Variants in IL7 observed in about 807,000 individuals in gnomAD.
IL7 encodes the protein interleukin 7, also known as interleukin-7.
In IL7, 3 loss-of-function variants were observed where a neutral mutation model predicts 21.6. The ratio of observed to expected loss-of-function variants is 0.14; its 90% CI spans 0.06 to 0.36. IL7 has a LOEUF of 0.36. Ranked by LOEUF, IL7 falls within the 10% of genes least tolerant of loss-of-function variation. IL7 has a pLI of 1.00. For missense variants in IL7, 175 were observed against 200.2 expected (o/e 0.87, Z 0.76); for synonymous variants, 62 against 68.1 (o/e 0.91, Z 0.44).
At chr8:78,741,080 A>G (rs1002749536) in intron 2 of IL7, among the ~76,000 whole-genome samples, 6 of 152,180 alleles carry the variant, frequency 3.9e-5, no homozygotes, top group African/African-American at 9.7e-5. Flanking sequence ...GAGAAACAGG[A>G]TAAGAAGTGG....
chr8:78,764,007 T>G (rs1253251697), intron 2 of IL7, among the ~76,000 whole-genome samples: 1 of 152,146 alleles, frequency 6.6e-6, no homozygotes, highest in Non-Finnish European at 1.5e-5. Context: ...CACAATTGAG[T>G]GGATTTAATT....
At chr8:78,724,563 C>T (rs1811307996) in intron 3 of IL7, among the ~76,000 whole-genome samples, 2 of 151,860 alleles carry the variant, frequency 1.3e-5, no homozygotes, top group Non-Finnish European at 2.9e-5. Context: ...CAAGAAACAT[C>T]AGGAACTTAA....
chr8:78,757,486 C>T (rs1812387420), intron 2 of IL7, among the ~76,000 whole-genome samples: 2 of 151,952 alleles, frequency 1.3e-5, no homozygotes, highest in Non-Finnish European at 2.9e-5. Context: ...AAGTGGGGTG[C>T]TGAAATTTCC....
intron 3 of IL7, among the ~76,000 whole-genome samples, chr8:78,707,419 C>T (rs1404797581): frequency 2.0e-5 from 3 of 152,206 alleles, no homozygotes; most frequent in Non-Finnish European, 4.4e-5. Flanking sequence ...GGGCATGTAT[C>T]TCTTTGTCAT....
intron 3 of IL7, among the ~76,000 whole-genome samples, chr8:78,699,182 G>A (rs185987487): frequency 1.2e-3 from 177 of 152,098 alleles, no homozygotes; most frequent in Non-Finnish European, 3.1e-4. Context: ...TAGAAGCAGT[G>A]GGGTGATTCT....
intron 2 of IL7, among the ~76,000 whole-genome samples, chr8:78,777,502 C>T (rs79727177): frequency 0.015 from 2,357 of 152,154 alleles, 28 homozygotes; most frequent in South Asian, 0.034. Context: ...CAGTTTTACT[C>T]TTCCTTTTGG....
At chr8:78,684,942 A>C (rs959285503) in intron 4 of IL7, among the ~76,000 whole-genome samples, 1 of 152,210 alleles carries the variant, frequency 6.6e-6, no homozygotes, top group South Asian at 2.1e-4. Flanking sequence ...CTTGTTTATA[A>C]ATGTGATTCT....
intron 3 of IL7, chr8:78,686,492 A>G: frequency 6.5e-7 from 1 of 1,531,504 alleles, no homozygotes. Context: ...AAACCATCTA[A>G]TTGGAGAAGG....
intron 3 of IL7, among the ~76,000 whole-genome samples, chr8:78,699,325 T>A (rs1253525580): frequency 2.0e-5 from 3 of 152,196 alleles, no homozygotes; most frequent in Admixed American, 2.0e-4. Flanking sequence ...CATATATTTT[T>A]AGAAATTTAC....
chr8:78,741,308 C>T (rs906831307), intron 2 of IL7, among the ~76,000 whole-genome samples: 1 of 152,156 alleles, frequency 6.6e-6, no homozygotes. Context: ...TGCCATTGTA[C>T]ATATTCCTGA....
At chr8:78,677,615 T>G (rs1235921840) in intron 4 of IL7, among the ~76,000 whole-genome samples, 3 of 152,152 alleles carry the variant, frequency 2.0e-5, no homozygotes, top group African/African-American at 7.2e-5. Context: ...TATTTTCTTT[T>G]TCTAGTATCT....
At chr8:78,676,341 A>G (rs1016708962) in intron 4 of IL7, among the ~76,000 whole-genome samples, 1 of 151,884 alleles carries the variant, frequency 6.6e-6, no homozygotes, top group African/African-American at 2.4e-5. Context: ...TATGTTTGAG[A>G]TGTTTCAAAG....
chr8:78,705,907 C>T (rs1055351795), intron 3 of IL7, among the ~76,000 whole-genome samples: 1 of 152,004 alleles, frequency 6.6e-6, no homozygotes, highest in Non-Finnish European at 1.5e-5. Context: ...ACTTTCGTCC[C>T]AGTTGGCTTT....
chr8:78,736,243 AATC>A (rs1422259593), intron 5 of IL7, among the ~76,000 whole-genome samples: 1 of 148,780 alleles, frequency 6.7e-6, no homozygotes, highest in Non-Finnish European at 1.5e-5. Context: ...AAAAAAAAAA[AATC>A]ATGCTTTTGT....
At chr8:78,759,213 G>GT (rs1324683386) in intron 2 of IL7, among the ~76,000 whole-genome samples, 22 of 114,600 alleles carry the variant, frequency 1.9e-4, no homozygotes, top group African/African-American at 3.8e-5. Flanking sequence ...TTTCTGCTGG[G>GT]TTCTTTTTTT....
At chr8:78,775,103 T>C (rs937586498) in intron 2 of IL7, among the ~76,000 whole-genome samples, 12 of 152,116 alleles carry the variant, frequency 7.9e-5, no homozygotes, top group Non-Finnish European at 1.5e-4. Context: ...TGAGTTGCCT[T>C]TTCCAGCTTT....
intron 2 of IL7, chr8:78,762,089 G>A (rs1812580680): frequency 6.2e-7 from 1 of 1,600,424 alleles, no homozygotes; most frequent in Non-Finnish European, 8.5e-7. Flanking sequence ...CTGTTTCAGT[G>A]TCCTGATTTC....
chr8:78,751,285 A>G (rs1382597317), intron 2 of IL7, among the ~76,000 whole-genome samples: 5 of 152,184 alleles, frequency 3.3e-5, no homozygotes, highest in African/African-American at 1.2e-4. Context: ...AAGAGCAAAG[A>G]TAAGAATTAC....
chr8:78,752,222 G>T (rs1812198171), intron 2 of IL7, among the ~76,000 whole-genome samples: 1 of 152,172 alleles, frequency 6.6e-6, no homozygotes, highest in Non-Finnish European at 1.5e-5. Context: ...TGTGAATACT[G>T]CTGCAATAAA....
Sources: allele counts gnomAD v4.1 joint callset (sites outside exome capture counted in the v4.1 genomes callset), GRCh38; gene constraint gnomAD v4.1.1; transcripts MANE v1.5; gene names NCBI Gene and HGNC (gene_info 2026-07-23, HGNC 2026-07-21).